The following WDR88 variants were observed in gnomAD, a reference collection of about 807,000 sequenced individuals.
WDR88 encodes WD repeat-containing protein 88.
In WDR88, 40 loss-of-function variants were observed where a neutral mutation model predicts 46.8. That is an observed-to-expected ratio of 0.86 (90% CI 0.66 to 1.11). The LOEUF (loss-of-function observed/expected upper bound fraction) is 1.11, where lower values mean the gene tolerates loss of function less well. Among genes scored for constraint, WDR88 ranks in the 50% most tolerant of loss-of-function variants. The pLI is 0.00. For synonymous variants in WDR88, 235 were observed against 240.7 expected (o/e 0.98, Z 0.22); for missense variants, 562 against 602.4 (o/e 0.93, Z 0.70).
In WDR88 at chr19:33,144,862, G is replaced by C; in HGVS notation, c.406G>C (p.Val136Leu). 1 of 1,613,748 alleles carries C rather than the reference G, an allele frequency of 6.2e-7. No homozygotes were observed. The highest frequency in any genetic ancestry group is 8.5e-7 in the Non-Finnish European group (1 of 1,179,920). The change falls in exon 3 of 11, where the codon GTG becomes CTG. Residue 136 changes from valine (V) to leucine (L), a missense_variant. By Grantham distance (32) the Val-to-Leu change is conservative (BLOSUM62 1). Coordinates refer to ENST00000355868, the MANE Select transcript of WDR88 (RefSeq NM_173479.4). ...VKLWDPVDGS[V>L]VRDFEHRPKA... ...ATTTGAGGATCCGGTGGACGGTTCT[G>C]TGGTTCGCGATTTTGAGCACAGGCC...
At chr19:33,171,169 A>T (rs1974033150) in intron 9 of WDR88, among the ~76,000 whole-genome samples, 1 of 152,082 alleles carries the variant, frequency 6.6e-6, no homozygotes, top group Non-Finnish European at 1.5e-5. Flanking sequence ...TATTTTTAGT[A>T]GAGACAGAGT....
chr19:33,165,869 C>A (rs1230050857), intron 9 of WDR88, among the ~76,000 whole-genome samples: 1 of 149,974 alleles, frequency 6.7e-6, no homozygotes, highest in Non-Finnish European at 1.5e-5. Flanking sequence ...CCATGGCCCT[C>A]CAGCCTGGGT....
At chr19:33,153,979 G>A (rs2145395661) in intron 6 of WDR88, among the ~76,000 whole-genome samples, 1 of 152,130 alleles carries the variant, frequency 6.6e-6, no homozygotes, top group African/African-American at 2.4e-5. Context: ...GAATCTGTAG[G>A]TTTATATATT....
At chr19:33,146,162 T>G (rs879402883) in intron 3 of WDR88, among the ~76,000 whole-genome samples, 1 of 152,164 alleles carries the variant, frequency 6.6e-6, no homozygotes, top group African/African-American at 2.4e-5. Flanking sequence ...TCGGGCGTAG[T>G]GGCACATGCC....
chr19:33,145,989 A>G (rs71335801), intron 3 of WDR88, among the ~76,000 whole-genome samples: 18,648 of 152,234 alleles, frequency 0.12, 1,203 homozygotes, highest in South Asian at 0.21. Flanking sequence ...ACATGGGAGC[A>G]GAGAGGAAAA....
intron 4 of WDR88, 96 bp from the exon 5 acceptor site, chr19:33,148,676 C>A: frequency 2.7e-6 from 4 of 1,472,936 alleles, no homozygotes; most frequent in African/African-American, 1.4e-5. Context: ...TGGTCTCAAG[C>A]GATCCTCCAG....
Position 33,164,209 on chromosome 19 carries a change from T to A in WDR88, c.1093T>A (p.Trp365Arg). ...RKLSLKGHNDWVMDVAISNNK... is the reference protein window; with the variant it reads ...RKLSLKGHNDRVMDVAISNNK... ...GATATTTCTTCAGGGCCATAATGAC[T>A]GGGTGATGGATGTTGCCATTAGCAA... is the stretch of plus-strand genomic sequence containing the variant. The change falls in exon 9 of 11, where the codon TGG becomes AGG. Residue 365 changes from tryptophan to arginine, a missense_variant. Transcript: ENST00000355868. 1 of 1,613,938 alleles carries A rather than the reference T, an allele frequency of 6.2e-7. No individual in the cohort carries two copies. The highest frequency in any genetic ancestry group is 8.5e-7 in the Non-Finnish European group (1 of 1,179,772).
intron 3 of WDR88, among the ~76,000 whole-genome samples, chr19:33,146,825 T>C (rs1193037780): frequency 2.6e-5 from 4 of 152,142 alleles, no homozygotes; most frequent in Admixed American, 2.6e-4. Context: ...GCTGGTTCTC[T>C]CTAGTTTCAG....
In WDR88 at chr19:33,156,348, G is replaced by A. The variant is rs1973734728; in HGVS notation, c.810-7G>A. 5 of 1,613,374 alleles carry A rather than the reference G, an allele frequency of 3.1e-6. No individual in the cohort carries two copies. The East Asian group carries it at 1.1e-4, about 36-fold the overall frequency. On this transcript the variant is annotated splice_region_variant and splice_polypyrimidine_tract_variant and intron_variant, in intron 6 of 10. Coordinates refer to ENST00000355868, the MANE Select transcript of WDR88 (RefSeq NM_173479.4). ...CTAATGTGTGCACCCCACCATCTGT[G>A]TTTCAGGGCACATTCCAATGCAATC...
chr19:33,167,655 CCTTCCTTCCTTCCTTCT>C (rs1045478009), intron 9 of WDR88, among the ~76,000 whole-genome samples: 6 of 150,024 alleles, frequency 4.0e-5, no homozygotes, highest in African/African-American at 1.2e-4. Flanking sequence ...TCCCTCCCAA[CCTTCCTTCCTTCCTTCT>C]CTTCCTTCCT....
intron 9 of WDR88, among the ~76,000 whole-genome samples, chr19:33,167,938 G>A (rs1016948786): frequency 6.6e-6 from 1 of 151,610 alleles, no homozygotes. Context: ...GGCTGGCCTT[G>A]AACTCCTGAC....
intron 2 of WDR88, among the ~76,000 whole-genome samples, chr19:33,144,021 G>A (rs1369420510): frequency 3.9e-5 from 6 of 152,102 alleles, no homozygotes. Flanking sequence ...TAAATGCCCA[G>A]TGTGGAGGGA....
intron 7 of WDR88, 143 bp downstream of exon 7, chr19:33,156,685 C>A: frequency 2.1e-6 from 2 of 970,250 alleles, no homozygotes; most frequent in Non-Finnish European, 3.0e-6. Flanking sequence ...ACAAAAAACC[C>A]AAGAGGGAAG....
At position 33,174,256 on chromosome 19, in the gene WDR88, A is replaced by G. The variant is rs752655823; in HGVS notation, c.1243-1140A>G. 77 of 1,535,648 alleles carry G rather than the reference A, an allele frequency of 5.0e-5. No individual in the cohort carries two copies. The Admixed American group carries it at 7.3e-4, about 14-fold the overall frequency. On this transcript the variant is annotated intron_variant, in intron 10 of 10. Transcript: ENST00000355868. ...TTTGACTTGCTCTGAATCAATCAAC[A>G]TGAGAAGCCTGAGGCCAGGCTTCCC...
chr19:33,140,797 A>G (rs1207298835), intron 2 of WDR88, among the ~76,000 whole-genome samples: 1 of 152,086 alleles, frequency 6.6e-6, no homozygotes, highest in African/African-American at 2.4e-5. Context: ...CTCAAAAAAA[A>G]AAAGAAAAGA....
chr19:33,175,660 C>G lies in WDR88; in HGVS notation c.*88C>G, dbSNP rs1205768077. 7 of 1,516,732 alleles carry G rather than the reference C, an allele frequency of 4.6e-6. No homozygotes were observed. The highest frequency in any genetic ancestry group is 6.3e-6 in the Non-Finnish European group (7 of 1,111,784). The allele number at this position is 1,516,732 out of a possible 1,614,324, so 94.0% of individuals were successfully genotyped here. A position where few individuals can be genotyped will look rare whatever the true frequency, so the allele number is the denominator to read the frequency against. On this transcript the variant is annotated 3_prime_UTR_variant, in exon 11 of 11. Coordinates refer to ENST00000355868, the MANE Select transcript of WDR88 (RefSeq NM_173479.4). ...TGCAGGGGCTTTCTCTTGGGCCCCT[C>G]CCAGGCTCAGCAGGCCTGTCAGACT...
At chr19:33,172,556 T>C (rs900133246) in intron 10 of WDR88, 116 bp downstream of exon 10, 3 of 832,164 alleles carry the variant, frequency 3.6e-6, no homozygotes, top group Non-Finnish European at 5.6e-6. Context: ...ACAAACAGAC[T>C]GACATTTTTG....
chr19:33,135,174 G>A (rs958503604), intron 1 of WDR88, among the ~76,000 whole-genome samples: 13 of 151,934 alleles, frequency 8.6e-5, no homozygotes, highest in Non-Finnish European at 1.3e-4. Context: ...GGTTTCTAGG[G>A]TATTCAGAGT....
chr19:33,164,970 A>G (rs1973929740), intron 9 of WDR88, among the ~76,000 whole-genome samples: 2 of 152,026 alleles, frequency 1.3e-5, no homozygotes, highest in African/African-American at 2.4e-5. Flanking sequence ...AGATGGTCCC[A>G]TCTGGGGGTG....
Sources: gnomAD v4.1 joint callset for allele counts (sites outside exome capture counted in the v4.1 genomes callset) on GRCh38, gnomAD v4.1.1 for gene constraint, MANE v1.5 for transcripts, NCBI Gene and HGNC (gene_info 2026-07-23, HGNC 2026-07-21) for gene names.